Variants in ARPC1A observed in about 807,000 individuals in gnomAD.
ARPC1A encodes actin-related protein 2/3 complex subunit 1A.
In ARPC1A, 8 loss-of-function variants were observed where a neutral mutation model predicts 46.9. The ratio of observed to expected loss-of-function variants is 0.17; its 90% CI spans 0.10 to 0.31. ARPC1A has a LOEUF of 0.31. ARPC1A is among the 10% of genes least tolerant of loss of function. ARPC1A has a pLI of 1.00. For missense variants in ARPC1A, 286 were observed against 483.6 expected (o/e 0.59, Z 3.83); for synonymous variants, 152 against 169.0 (o/e 0.90, Z 0.78).
At chr7:99,358,625 C>T in intron 7 of ARPC1A, 1 of 496,912 alleles carries the variant, frequency 2.0e-6, no homozygotes, top group Non-Finnish European at 3.6e-6. Context: ...ACCGCAACCT[C>T]TGCCTCCCGG....
At chr7:99,340,631 C>T (rs67546174) in intron 3 of ARPC1A, among the ~76,000 whole-genome samples, 14,894 of 152,232 alleles carry the variant, frequency 0.098, 1,144 homozygotes, top group African/African-American at 0.22. Flanking sequence ...AGATAGATTT[C>T]ACCATGTCGC....
At chr7:99,358,999 T>A (rs1386500524) in intron 7 of ARPC1A, among the ~76,000 whole-genome samples, 2 of 151,256 alleles carry the variant, frequency 1.3e-5, no homozygotes, top group Non-Finnish European at 3.0e-5. Flanking sequence ...GCCGGGCTAA[T>A]TTTTTTTATT....
At chr7:99,354,483 T>C (rs1793598643) in intron 6 of ARPC1A, among the ~76,000 whole-genome samples, 4 of 143,826 alleles carry the variant, frequency 2.8e-5, no homozygotes, top group Middle Eastern at 3.9e-3. Flanking sequence ...ATCATGCCAC[T>C]GTACTCCAGC....
In ARPC1A at chr7:99,359,754, A is replaced by G. The variant is rs771914193; in HGVS notation, c.983+16A>G. On this transcript the variant is annotated intron_variant, in intron 8 of 9. Coordinates refer to ENST00000262942, the MANE Select transcript of ARPC1A (RefSeq NM_006409.4). The stretch of plus-strand genomic sequence containing the variant: ...ATAGCATCACGTAGGTGCCGTCTGT[A>G]GAGAGGTGGTCAGGTGACAAGGTGC... The G allele has an allele frequency of 6.2e-7, 1 of 1,613,856 alleles. No homozygotes were observed. Among genetic ancestry groups the G allele is most frequent in the Non-Finnish European group, 8.5e-7 (1 of 1,179,928 alleles).
At chr7:99,359,858 C>A in intron 8 of ARPC1A, 120 bp downstream of exon 8, 1 of 1,160,654 alleles carries the variant, frequency 8.6e-7, no homozygotes, top group Non-Finnish European at 1.2e-6. Context: ...CTTTCAGGGA[C>A]AAGTGCAGCA....
chr7:99,353,679 A>G (rs1793584639), intron 5 of ARPC1A, among the ~76,000 whole-genome samples: 1 of 148,722 alleles, frequency 6.7e-6, no homozygotes, highest in Admixed American at 6.7e-5. Flanking sequence ...GGGTTTCTCC[A>G]TGTTGGTCAG....
At chr7:99,335,036 A>G (rs549859945) in intron 2 of ARPC1A, among the ~76,000 whole-genome samples, 1 of 152,248 alleles carries the variant, frequency 6.6e-6, no homozygotes, top group East Asian at 1.9e-4. Flanking sequence ...TAGTAGAGAC[A>G]GGGTTTCACC....
intron 6 of ARPC1A, among the ~76,000 whole-genome samples, chr7:99,355,189 A>AAG (rs1221178367): frequency 6.7e-6 from 1 of 149,950 alleles, no homozygotes; most frequent in Non-Finnish European, 1.5e-5. Context: ...GGCTGAGGCT[A>AAG]GAGAATCTCT....
At chr7:99,338,583 A>G (rs1471618472) in intron 3 of ARPC1A, among the ~76,000 whole-genome samples, 1 of 151,396 alleles carries the variant, frequency 6.6e-6, no homozygotes, top group Admixed American at 6.6e-5. Flanking sequence ...GATAGGTTTC[A>G]CCATGTTGGT....
chr7:99,360,133 A>C (rs558244216), intron 8 of ARPC1A: 2 of 214,082 alleles, frequency 9.3e-6, no homozygotes, highest in African/African-American at 4.5e-5. Flanking sequence ...CAGAAAGCGA[A>C]GTTACAGCCT....
chr7:99,365,123 T>C (rs1196081695), intron 9 of ARPC1A, among the ~76,000 whole-genome samples: 1 of 152,144 alleles, frequency 6.6e-6, no homozygotes, highest in Non-Finnish European at 1.5e-5. Context: ...GCCCGTGCTG[T>C]GGTCCTCCGG....
At chr7:99,329,168 G>C (rs1793102552) in intron 1 of ARPC1A, among the ~76,000 whole-genome samples, 1 of 151,858 alleles carries the variant, frequency 6.6e-6, no homozygotes, top group Non-Finnish European at 1.5e-5. Flanking sequence ...GGGTGTGGTG[G>C]CGGGCCCCTG....
chr7:99,366,184 G>T lies in ARPC1A; in HGVS notation c.*255G>T, dbSNP rs1468743491. The T allele has an allele frequency of 8.3e-6, 4 of 484,638 alleles. No homozygotes were observed. In the Admixed American group the frequency reaches 1.5e-4, roughly 19 times the overall value. 30.0% of individuals were successfully genotyped at this position (484,638 alleles called of 1,614,324 possible). ...TTTAAGTAGTTTATTATGGAAAATT[G>T]TCACACTAACTTAAAAGACAGGGTG... is the stretch of plus-strand genomic sequence containing the variant. On this transcript the variant is annotated 3_prime_UTR_variant, in exon 10 of 10. Coordinates refer to ENST00000262942, the MANE Select transcript of ARPC1A (RefSeq NM_006409.4).
At chr7:99,328,441 C>T (rs970639612) in intron 1 of ARPC1A, among the ~76,000 whole-genome samples, 1 of 152,194 alleles carries the variant, frequency 6.6e-6, no homozygotes, top group Non-Finnish European at 1.5e-5. Context: ...AGGCTCTGTA[C>T]TACTTGCTTT....
intron 2 of ARPC1A, 47 bp from the exon 3 acceptor site, chr7:99,338,134 A>G (rs780763173): frequency 1.4e-6 from 2 of 1,415,810 alleles, no homozygotes; most frequent in Non-Finnish European, 2.0e-6. Context: ...CTTTTTGGTG[A>G]CAATTGCAAG....
chr7:99,329,355 T>G (rs1793107224), intron 1 of ARPC1A, among the ~76,000 whole-genome samples: 1 of 152,122 alleles, frequency 6.6e-6, no homozygotes, highest in Non-Finnish European at 1.5e-5. Context: ...GGCATTTTTA[T>G]TTGTCCCCTT....
intron 5 of ARPC1A, among the ~76,000 whole-genome samples, chr7:99,350,728 T>G (rs987033579): frequency 1.4e-5 from 2 of 145,090 alleles, no homozygotes; most frequent in Non-Finnish European, 3.0e-5. Flanking sequence ...TCCCTGCAGC[T>G]TCGACCTCCC....
intron 3 of ARPC1A, among the ~76,000 whole-genome samples, chr7:99,340,293 GC>G (rs1438326928): frequency 6.6e-6 from 1 of 152,120 alleles, no homozygotes; most frequent in Non-Finnish European, 1.5e-5. Context: ...CTCCCGAGTT[GC>G]TGGGATTACA....
At chr7:99,342,716 C>CTTTTTTTT (rs555524613) in intron 3 of ARPC1A, among the ~76,000 whole-genome samples, 4 of 101,920 alleles carry the variant, frequency 3.9e-5, no homozygotes, top group African/African-American at 9.6e-5. Flanking sequence ...CTTCATACTA[C>CTTTTTTTT]TTTTTTTTTT....
Sources: allele counts gnomAD v4.1 joint callset (sites outside exome capture counted in the v4.1 genomes callset), GRCh38; gene constraint gnomAD v4.1.1; transcripts MANE v1.5; gene names NCBI Gene and HGNC (gene_info 2026-07-23, HGNC 2026-07-21).